Variants in RABGAP1L observed in about 807,000 individuals in gnomAD.
RABGAP1L encodes RAB GTPase activating protein 1 like, also known as rab GTPase-activating protein 1-like.
A neutral mutation model predicts 137.7 loss-of-function variants in RABGAP1L; 63 were observed. The observed-to-expected ratio is 0.46, with a 90% CI of 0.37 to 0.56. The LOEUF (loss-of-function observed/expected upper bound fraction) is 0.56, where lower values mean the gene tolerates loss of function less well. RABGAP1L is among the 20% of genes least tolerant of loss of function. The pLI is 0.00. For synonymous variants in RABGAP1L, 431 were observed against 433.7 expected (o/e 0.99, Z 0.08); for missense variants, 1,095 against 1,244.0 (o/e 0.88, Z 1.80).
intron 1 of RABGAP1L, among the ~76,000 whole-genome samples, chr1:174,163,423 T>G (rs1335025809): frequency 1.3e-5 from 2 of 152,210 alleles, no homozygotes; most frequent in Non-Finnish European, 2.9e-5. Flanking sequence ...GCATGCTAAC[T>G]CTTTTTTGTT....
At chr1:174,949,151 A>G (rs1667349871) in intron 19 of RABGAP1L, among the ~76,000 whole-genome samples, 1 of 152,220 alleles carries the variant, frequency 6.6e-6, no homozygotes, top group African/African-American at 2.4e-5. Context: ...GGGAAGGTAG[A>G]TAGAGACTAG....
chr1:174,376,401 C>A (rs182837115), intron 12 of RABGAP1L, among the ~76,000 whole-genome samples: 1 of 152,094 alleles, frequency 6.6e-6, no homozygotes, highest in African/African-American at 2.4e-5. Flanking sequence ...AAATTGCAGA[C>A]GAGTGTCCCT....
chr1:174,411,045 G>A (rs1188496670), intron 13 of RABGAP1L, among the ~76,000 whole-genome samples: 1 of 152,078 alleles, frequency 6.6e-6, no homozygotes, highest in Non-Finnish European at 1.5e-5. Context: ...CAGCTTGAAC[G>A]ATATTGCTAT....
At chr1:174,604,196 C>T (rs548683456) in intron 13 of RABGAP1L, among the ~76,000 whole-genome samples, 29 of 152,238 alleles carry the variant, frequency 1.9e-4, no homozygotes, top group African/African-American at 5.1e-4. Flanking sequence ...AGTTCACAGT[C>T]GGCCTAGCTG....
At chr1:174,240,201 A>T (rs1454331302) in intron 4 of RABGAP1L, among the ~76,000 whole-genome samples, 1 of 124,948 alleles carries the variant, frequency 8.0e-6, no homozygotes, top group African/African-American at 3.0e-5. Context: ...TGTGTAGATC[A>T]GTCCAGGACT....
intron 1 of RABGAP1L, among the ~76,000 whole-genome samples, chr1:174,194,880 GT>G (rs1008576274): frequency 1.5e-4 from 23 of 152,242 alleles, no homozygotes; most frequent in African/African-American, 5.1e-4. Flanking sequence ...ATAAAATCAG[GT>G]TTTTCAGGAG....
intron 19 of RABGAP1L, among the ~76,000 whole-genome samples, chr1:174,858,789 A>C (rs1361694530): frequency 6.6e-6 from 1 of 152,220 alleles, no homozygotes; most frequent in Non-Finnish European, 1.5e-5. Context: ...CTACAGGAAA[A>C]CAAAAAAGAA....
At chr1:174,891,314 T>A (rs1272216919) in intron 19 of RABGAP1L, among the ~76,000 whole-genome samples, 1 of 152,174 alleles carries the variant, frequency 6.6e-6, no homozygotes, top group Non-Finnish European at 1.5e-5. Flanking sequence ...GAGTGGGAGT[T>A]GATCATGATA....
At chr1:174,668,416 T>C (rs958816082) in intron 14 of RABGAP1L, among the ~76,000 whole-genome samples, 5 of 152,168 alleles carry the variant, frequency 3.3e-5, no homozygotes, top group African/African-American at 1.2e-4. Flanking sequence ...TTTAGTTTCA[T>C]CCATGTTGTT....
At chr1:174,336,153 C>T (rs1257764560) in intron 11 of RABGAP1L, among the ~76,000 whole-genome samples, 1 of 152,164 alleles carries the variant, frequency 6.6e-6, no homozygotes, top group Non-Finnish European at 1.5e-5. Context: ...TACTCTTTTG[C>T]CTAGGCTGGA....
At chr1:174,708,426 A>C (rs1299409847) in intron 17 of RABGAP1L, among the ~76,000 whole-genome samples, 2 of 152,076 alleles carry the variant, frequency 1.3e-5, no homozygotes, top group Admixed American at 6.6e-5. Flanking sequence ...TGATTTCTGC[A>C]TTTTCAACTG....
intron 10 of RABGAP1L, among the ~76,000 whole-genome samples, chr1:174,282,645 T>C (rs1675677985): frequency 6.6e-6 from 1 of 152,212 alleles, no homozygotes; most frequent in African/African-American, 2.4e-5. Flanking sequence ...TATTTTATTT[T>C]ATTGTTTTTG....
At chr1:174,676,993 ATT>A (rs1677678771) in intron 14 of RABGAP1L, among the ~76,000 whole-genome samples, 1 of 152,072 alleles carries the variant, frequency 6.6e-6, no homozygotes. Flanking sequence ...AGATTTTAAT[ATT>A]TGTTTCCACA....
At chr1:174,873,734 C>T (rs1437976376) in intron 19 of RABGAP1L, among the ~76,000 whole-genome samples, 2 of 152,048 alleles carry the variant, frequency 1.3e-5, no homozygotes, top group Non-Finnish European at 2.9e-5. Context: ...TGGTCTCGAA[C>T]TCCTGACCTT....
intron 19 of RABGAP1L, among the ~76,000 whole-genome samples, chr1:174,822,730 T>C (rs1040917769): frequency 6.6e-6 from 1 of 152,216 alleles, no homozygotes; most frequent in African/African-American, 2.4e-5. Context: ...CAGGCCATAA[T>C]GCTTGCTCTC....
chr1:174,539,087 G>C (rs1374928516), intron 13 of RABGAP1L, among the ~76,000 whole-genome samples: 2 of 151,988 alleles, frequency 1.3e-5, no homozygotes, highest in African/African-American at 4.8e-5. Flanking sequence ...AATAATAAGA[G>C]CTCCTATTTA....
At chr1:174,177,404 C>G (rs1018880164) in intron 1 of RABGAP1L, among the ~76,000 whole-genome samples, 1 of 152,074 alleles carries the variant, frequency 6.6e-6, no homozygotes. Flanking sequence ...GGGTAGATTG[C>G]AAAAATTTTC....
chr1:174,303,186 A>G (rs1306471893), intron 10 of RABGAP1L, among the ~76,000 whole-genome samples: 1 of 151,926 alleles, frequency 6.6e-6, no homozygotes, highest in Non-Finnish European at 1.5e-5. Context: ...TGATTCTGTT[A>G]CATGTTTTAT....
chr1:174,418,125 G>T (rs1297889458), intron 13 of RABGAP1L, among the ~76,000 whole-genome samples: 1 of 152,192 alleles, frequency 6.6e-6, no homozygotes, highest in East Asian at 1.9e-4. Flanking sequence ...CTTGTTGGTT[G>T]TGTTGCTTAC....
Sources: gnomAD v4.1 joint callset for allele counts (sites outside exome capture counted in the v4.1 genomes callset) on GRCh38, gnomAD v4.1.1 for gene constraint, MANE v1.5 for transcripts, NCBI Gene and HGNC (gene_info 2026-07-23, HGNC 2026-07-21) for gene names.